Variants in SERPINA10 observed in about 807,000 individuals in gnomAD.
SERPINA10 encodes the protein protein Z-dependent protease inhibitor.
In SERPINA10, 24 loss-of-function variants were observed where a neutral mutation model predicts 28.0. The observed-to-expected ratio is 0.86, with a 90% CI of 0.62 to 1.20. The LOEUF (loss-of-function observed/expected upper bound fraction) is 1.20, where lower values mean the gene tolerates loss of function less well. SERPINA10 is among the 50% of genes most tolerant of loss of function. The pLI is 0.00. For missense variants in SERPINA10, 521 were observed against 537.7 expected, an observed-to-expected ratio of 0.97 and a Z score of 0.31; for synonymous variants, 207 against 203.9, an observed-to-expected ratio of 1.02 and a Z score of -0.13.
chr14:94,284,220 C>T, intron 4 of SERPINA10, 64 bp from the exon 5 acceptor site: 1 of 1,444,082 alleles, frequency 6.9e-7, no homozygotes, highest in Non-Finnish European at 9.6e-7. Flanking sequence ...ATTAAATGAG[C>T]CCCTTGAAAT....
At position 94,288,543 on chromosome 14, in the gene SERPINA10, T is replaced by A; in HGVS notation, c.735A>T (p.Pro245=). The change falls in exon 3 of 5, where the codon CCA becomes CCT. Residue 245 remains proline (P), a synonymous_variant. Transcript: ENST00000261994. The part of the protein sequence containing the change: ...YILFKGKWLT[P]FDPVFTEVDT... Reference sequence around the variant, plus strand: ...CGACTTCGGTGAAGACAGGGTCAAATGGGGTCAACCATTTCCCTGAACAAG... The same window carrying A: ...CGACTTCGGTGAAGACAGGGTCAAAAGGGGTCAACCATTTCCCTGAACAAG... The A allele has an allele frequency of 6.2e-7, 1 of 1,614,234 alleles. No homozygotes were observed. The highest frequency in any genetic ancestry group is 8.5e-7 in the Non-Finnish European group (1 of 1,180,034).
intron 1 of SERPINA10, among the ~76,000 whole-genome samples, chr14:94,291,415 G>A (rs994053993): frequency 5.9e-5 from 9 of 152,210 alleles, no homozygotes; most frequent in Admixed American, 4.6e-4. Context: ...CCCCTTCTCT[G>A]TCGCCTTTTA....
intron 1 of SERPINA10, chr14:94,292,500 GA>G: frequency 1.5e-6 from 1 of 676,192 alleles, no homozygotes; most frequent in Non-Finnish European, 2.7e-6. Context: ...TCTACATTAA[GA>G]CCACACAGAA....
Position 94,288,457 on chromosome 14 carries a change from T to C in SERPINA10, c.821A>G (p.Lys274Arg), listed in dbSNP as rs748068345. 57 of 1,614,050 alleles carry C rather than the reference T, an allele frequency of 3.5e-5. No individual in the cohort carries two copies. Among genetic ancestry groups the C allele is most frequent in the Non-Finnish European group, 4.7e-5 (55 of 1,180,038 alleles). The change falls in exon 3 of 5, where the codon AAG (lysine) becomes AGG (arginine). Residue 274 changes from lysine (K) to arginine (R), a missense_variant. Physicochemically the swap from Lys to Arg is conservative, Grantham distance 26. Coordinates refer to ENST00000261994, the MANE Select transcript of SERPINA10 (RefSeq NM_001100607.3). ...ATTCTTGTCAAAGGTGGAGGCAAAC[T>C]TGCCTGCACCGTACATCATGGGCAC... ...IKVPMMYGAGKFASTFDKNFR... is the reference protein window; with the variant it reads ...IKVPMMYGAGRFASTFDKNFR...
In SERPINA10 at chr14:94,286,123, A is replaced by G. The variant is rs1352042491; in HGVS notation, c.1128T>C (p.Asn376=). 6.2e-7 allele frequency: 1 copy of G among 1,613,948 alleles called. No individual in the cohort carries two copies. The highest frequency in any genetic ancestry group is 8.5e-7 in the Non-Finnish European group (1 of 1,180,018). ...CCTGACTTACCCTGGATACTTGGAGATTTCTTCCAGTAGCTGAGAGTTCAC... is the reference window on the plus strand; with the variant it reads ...CCTGACTTACCCTGGATACTTGGAGGTTTCTTCCAGTAGCTGAGAGTTCAC... The part of the protein sequence containing the change: ...DLSELSATGR[N]LQVSRVLQRT... Residue 376 remains asparagine (N), a synonymous_variant, in exon 4 of 5, where the codon AAT becomes AAC. Coordinates refer to ENST00000261994, the MANE Select transcript of SERPINA10 (RefSeq NM_001100607.3).
chr14:94,288,297 G>C lies in SERPINA10; in HGVS notation c.981C>G (p.Asn327Lys). ...TTDLVETWLR[N>K]MKTRNMEVFF... is the part of the protein sequence containing the mutation. Reference sequence around the variant, plus strand: ...GGCAAGAGTTGTACCTGGTTTTCATGTTTCTGAGCCATGTCTCCACCAAGT... The same window carrying C: ...GGCAAGAGTTGTACCTGGTTTTCATCTTTCTGAGCCATGTCTCCACCAAGT... Residue 327 changes from asparagine (N) to lysine (K), a missense_variant, in exon 3 of 5, where the codon AAC (asparagine) becomes AAG (lysine). Transcript: ENST00000261994. 6.2e-7 allele frequency: 1 copy of C among 1,613,832 alleles called. No homozygotes were observed. Among genetic ancestry groups the C allele is most frequent in the South Asian group, 1.1e-5 (1 of 91,058 alleles).
intron 2 of SERPINA10, among the ~76,000 whole-genome samples, 171 bp from the exon 3 acceptor site, chr14:94,288,730 G>A (rs370648896): frequency 6.6e-6 from 1 of 152,176 alleles, no homozygotes; most frequent in East Asian, 1.9e-4. Flanking sequence ...AGCTCAGGCA[G>A]GCAAAATAAA....
Position 94,290,660 on chromosome 14 carries a change from A to G in SERPINA10, c.-50-17T>C. On this transcript the variant is annotated splice_polypyrimidine_tract_variant and intron_variant, in intron 1 of 4. Transcript: ENST00000261994. The stretch of plus-strand genomic sequence containing the variant: ...CAAGACTTCCTGTGGAGAGGAGAGG[A>G]TAGAGATGGTTTTAATGCCTCCTAA... 6.3e-7 allele frequency: 1 copy of G among 1,594,686 alleles called. No homozygotes were observed. The highest frequency in any genetic ancestry group is 8.5e-7 in the Non-Finnish European group (1 of 1,173,686).
intron 2 of SERPINA10, 92 bp downstream of exon 2, chr14:94,289,784 T>C (rs2232703): frequency 0.022 from 29,065 of 1,319,810 alleles, 2,292 homozygotes; most frequent in South Asian, 0.17. Flanking sequence ...GAAAATCACG[T>C]AGCGTTAATC....
At position 94,283,300 on chromosome 14, in the gene SERPINA10, T is replaced by A. The variant is rs1894941245; in HGVS notation, c.*665A>T. 1 of 152,268 alleles carries A rather than the reference T, an allele frequency of 6.6e-6. No homozygotes were observed. The highest frequency in any genetic ancestry group is 1.9e-4 in the East Asian group (1 of 5,204). The allele number at this position is 152,268 out of a possible 1,614,324, so 9.4% of individuals were successfully genotyped here. On this transcript the variant is annotated 3_prime_UTR_variant, in exon 5 of 5. Transcript: ENST00000261994. ...AAACAAGCTTAAAATACCAGACAGA[T>A]TGCACAAACATCTTAAAAAATATGT...
Position 94,286,234 on chromosome 14 carries a change from C to A in SERPINA10, c.1017G>T (p.Lys339Asn), listed in dbSNP as rs1183642548. Residue 339 changes from lysine (K) to asparagine (N), a missense_variant, in exon 4 of 5, where the codon AAG (lysine) becomes AAT (asparagine). Lys to Asn is a moderately conservative substitution (Grantham distance 94). Transcript: ENST00000261994. Reference protein sequence around the residue: ...KTRNMEVFFPKFKLDQKYEMH... With the variant: ...KTRNMEVFFPNFKLDQKYEMH... The stretch of plus-strand genomic sequence containing the variant: ...TCTCATACTTCTGATCTAGCTTGAA[C>A]TTCGGAAAGAAAACTTCCATGTTTC... 4.3e-6 allele frequency: 7 copies of A among 1,613,930 alleles called. No individual in the cohort carries two copies. The Admixed American group carries it at 1.2e-4, about 27-fold the overall frequency.
chr14:94,280,884 A>G lies in SERPINA10; in HGVS notation c.*3081T>C, dbSNP rs763806972. ...ATAAAGTTTTTCTTTATAACCTCTT[A>G]CACATTTAAAAAATCATTTCTATTA... On this transcript the variant is annotated 3_prime_UTR_variant, in exon 5 of 5. Coordinates refer to ENST00000261994, the MANE Select transcript of SERPINA10 (RefSeq NM_001100607.3). The G allele has an allele frequency of 6.6e-6, 1 of 152,224 alleles. No individual in the cohort carries two copies. Among genetic ancestry groups the G allele is most frequent in the Non-Finnish European group, 1.5e-5 (1 of 68,036 alleles). 9.4% of individuals were successfully genotyped at this position (152,224 alleles called of 1,614,324 possible). A position where few individuals can be genotyped will look rare whatever the true frequency, so the allele number is the denominator to read the frequency against.
intron 2 of SERPINA10, among the ~76,000 whole-genome samples, chr14:94,289,009 A>G (rs1193895816): frequency 1.3e-5 from 2 of 152,188 alleles, no homozygotes; most frequent in East Asian, 1.9e-4. Flanking sequence ...GGCAGGAGTG[A>G]CACTTCTCAC....
chr14:94,288,660 A>G (rs1310300387), intron 2 of SERPINA10, 101 bp from the exon 3 acceptor site: 5 of 1,477,372 alleles, frequency 3.4e-6, no homozygotes, highest in Admixed American at 1.8e-5. Flanking sequence ...CACTTCTCTC[A>G]CTTCTCGTCT....
At position 94,284,627 on chromosome 14, in the gene SERPINA10, C is replaced by A. The variant is rs79172831; in HGVS notation, c.1144-471G>T. Among the ~76,000 whole-genome samples, 1,199 of 152,278 alleles carry A rather than the reference C, an allele frequency of 7.9e-3. 16 individuals carry two copies. The highest frequency in any genetic ancestry group is 0.027 in the African/African-American group (1,128 of 41,552). On this transcript the variant is annotated intron_variant, in intron 4 of 4. Transcript: ENST00000261994. ...CAGCTTCCCAGCACCTGGTACTACT[C>A]TGAGGCATTTTTCTGGGCCAAGCCC...
Position 94,282,416 on chromosome 14 carries a change from T to G in SERPINA10, c.*1549A>C, listed in dbSNP as rs1894922791. 1 of 152,114 alleles carries G rather than the reference T, an allele frequency of 6.6e-6. No homozygotes were observed. The allele number at this position is 152,114 out of a possible 1,614,324, so 9.4% of individuals were successfully genotyped here. A position where few individuals can be genotyped will look rare whatever the true frequency, so the allele number is the denominator to read the frequency against. On this transcript the variant is annotated 3_prime_UTR_variant, in exon 5 of 5. Transcript: ENST00000261994. ...ACTGCCTAAGGAAGATCAGGGATAT[T>G]TACGATTTTCCTTTTCACCCTGGGA...
chr14:94,289,893 T>A lies in SERPINA10; in HGVS notation c.701A>T (p.Asp234Val). ...INPETKLILV[D>V]YILFKGKWLT... ...CAAAGTACCTTTGAACAAGATGTAA[T>A]CCACAAGAATTAATTTGGTTTCAGG... Residue 234 changes from aspartate (D) to valine (V), a missense_variant, in exon 2 of 5, where the codon GAT becomes GTT. By Grantham distance (152) the Asp-to-Val change is radical. Transcript: ENST00000261994. The A allele has an allele frequency of 6.2e-7, 1 of 1,613,942 alleles. No individual in the cohort carries two copies. The highest frequency in any genetic ancestry group is 1.1e-5 in the South Asian group (1 of 91,070).
chr14:94,283,870 ACT>A lies in SERPINA10; in HGVS notation c.*93_*94del. The A allele has an allele frequency of 8.0e-7, 1 of 1,242,650 alleles. No individual in the cohort carries two copies. Among genetic ancestry groups the A allele is most frequent in the Admixed American group, 1.7e-5 (1 of 59,022 alleles). The allele number at this position is 1,242,650 out of a possible 1,614,324, so 77.0% of individuals were successfully genotyped here. A position where few individuals can be genotyped will look rare whatever the true frequency, so the allele number is the denominator to read the frequency against. On this transcript the variant is annotated 3_prime_UTR_variant, in exon 5 of 5. Coordinates refer to ENST00000261994, the MANE Select transcript of SERPINA10 (RefSeq NM_001100607.3). ...TAAACTAGTTAAGAACAAAAGGAAC[ACT>A]CTCCCCTGCCATCCATTGCTGGTAT...
At chr14:94,287,185 GC>G (rs1046714205) in intron 3 of SERPINA10, among the ~76,000 whole-genome samples, 3 of 152,006 alleles carry the variant, frequency 2.0e-5, no homozygotes, top group African/African-American at 7.3e-5. Context: ...TATATCTCCG[GC>G]CTGGACCTCA....
Sources: gnomAD v4.1 joint callset for allele counts (sites outside exome capture counted in the v4.1 genomes callset) on GRCh38, gnomAD v4.1.1 for gene constraint, MANE v1.5 for transcripts, NCBI Gene and HGNC (gene_info 2026-07-23, HGNC 2026-07-21) for gene names.